PTPRQ: variants seen among roughly 807,000 people sequenced by gnomAD.
The protein encoded by PTPRQ is protein tyrosine phosphatase receptor type Q, also known as phosphatidylinositol phosphatase PTPRQ.
Under a neutral mutation model 246.0 loss-of-function variants are expected in PTPRQ, and 199 were observed. The observed-to-expected ratio is 0.81, with a 90% confidence interval of 0.72 to 0.91. The LOEUF (loss-of-function observed/expected upper bound fraction) is 0.91, where lower values mean the gene tolerates loss of function less well. PTPRQ is among the 40% of genes least tolerant of loss of function. The pLI, the probability that PTPRQ is intolerant of heterozygous loss-of-function variation, is 0.00. For synonymous variants in PTPRQ, 869 were observed against 853.2 expected, an observed-to-expected ratio of 1.02 and a Z score of -0.32; for missense variants, 2,624 against 2,528.4, an observed-to-expected ratio of 1.04 and a Z score of -0.81.
At chr12:80,668,234 A>T (rs904474797) in intron 39 of PTPRQ, among the ~76,000 whole-genome samples, 1 of 151,938 alleles carries the variant, frequency 6.6e-6, no homozygotes, top group African/African-American at 2.4e-5. Context: ...ACAATTATAT[A>T]AACTCAAGTG....
chr12:80,669,522 T>A lies in PTPRQ; in HGVS notation c.6453+58T>A, dbSNP rs1008851263. 4 of 1,495,978 alleles carry A rather than the reference T, an allele frequency of 2.7e-6. No homozygotes were observed. In the Admixed American group the frequency reaches 7.6e-5, roughly 28 times the overall value. The allele number at this position is 1,495,978 out of a possible 1,614,324, so 92.7% of individuals were successfully genotyped here. A position where few individuals can be genotyped will look rare whatever the true frequency, so the allele number is the denominator to read the frequency against. On this transcript the variant is annotated intron_variant, in intron 41 of 44. Transcript: ENST00000644991. Reference sequence around the variant, plus strand: ...ATATAAAATATGATTGATCTAAATGTCTAAAATAAAATTAATTTCTAGAAC... The same window carrying A: ...ATATAAAATATGATTGATCTAAATGACTAAAATAAAATTAATTTCTAGAAC...
chr12:80,616,185 ATTTG>A lies in PTPRQ; in HGVS notation c.5164-7_5164-4del, dbSNP rs1408500295. On this transcript the variant is annotated splice_polypyrimidine_tract_variant and intron_variant, in intron 29 of 44. Transcript: ENST00000644991. ...CAATCACTTGAAAATAGTAACAAAT[ATTTG>A]TTTGTTTTAGGTTTACGCAGTCAAT... 3.4e-6 allele frequency: 5 copies of A among 1,453,752 alleles called. No homozygotes were observed. Among genetic ancestry groups the A allele is most frequent in the Admixed American group, 5.0e-5 (2 of 40,342 alleles). The allele number at this position is 1,453,752 out of a possible 1,614,324, so 90.1% of individuals were successfully genotyped here.
In PTPRQ at chr12:80,670,510, A is replaced by AATGGCC; in HGVS notation, c.6602+19_6602+24dup. ...CACTGCAGGTGAGAAAGTGATCAGA[A>AATGGCC]ATGGCCTTTGAACCCATTGGTCTTT... On this transcript the variant is annotated intron_variant, in intron 42 of 44. Coordinates refer to ENST00000644991, the MANE Select transcript of PTPRQ (RefSeq NM_001145026.2). The AATGGCC allele has an allele frequency of 6.6e-7, 1 of 1,519,058 alleles. No individual in the cohort carries two copies. Among genetic ancestry groups the AATGGCC allele is most frequent in the Non-Finnish European group, 8.8e-7 (1 of 1,131,172 alleles). 94.1% of individuals were successfully genotyped at this position (1,519,058 alleles called of 1,614,324 possible). A position where few individuals can be genotyped will look rare whatever the true frequency, so the allele number is the denominator to read the frequency against.
intron 25 of PTPRQ, among the ~76,000 whole-genome samples, chr12:80,569,630 C>G (rs1897086710): frequency 6.6e-6 from 1 of 151,204 alleles, no homozygotes; most frequent in African/African-American, 2.4e-5. Flanking sequence ...GATACATGCA[C>G]AGAACATGCA....
intron 17 of PTPRQ, among the ~76,000 whole-genome samples, chr12:80,527,430 A>G (rs1895719564): frequency 6.6e-6 from 1 of 152,122 alleles, no homozygotes; most frequent in Admixed American, 6.6e-5. Flanking sequence ...ATTAAATATT[A>G]TGCTTTGCTC....
At chr12:80,575,119 TG>T (rs1457295469) in intron 25 of PTPRQ, among the ~76,000 whole-genome samples, 4 of 152,244 alleles carry the variant, frequency 2.6e-5, no homozygotes, top group African/African-American at 9.6e-5. Context: ...GCAAAATTTT[TG>T]CCCAAAATAT....
intron 8 of PTPRQ, among the ~76,000 whole-genome samples, chr12:80,481,845 A>G (rs1894072768): frequency 6.6e-6 from 1 of 152,044 alleles, no homozygotes; most frequent in Non-Finnish European, 1.5e-5. Flanking sequence ...TTCAAGGAGA[A>G]CTACAAACCG....
At chr12:80,610,860 G>T (rs1016622247) in intron 28 of PTPRQ, among the ~76,000 whole-genome samples, 2 of 150,458 alleles carry the variant, frequency 1.3e-5, no homozygotes. Context: ...ACAATTAAAG[G>T]TATCCGCTGT....
Position 80,619,508 on chromosome 12 carries a change from A to T in PTPRQ, c.5355A>T (p.Ile1785=). 1 of 1,539,760 alleles carries T rather than the reference A, an allele frequency of 6.5e-7. No homozygotes were observed. The highest frequency in any genetic ancestry group is 8.8e-7 in the Non-Finnish European group (1 of 1,140,274). Residue 1785 remains isoleucine, a synonymous_variant, in exon 31 of 45, where the codon ATA becomes ATT. Transcript: ENST00000644991. The stretch of plus-strand genomic sequence containing the variant: ...ACTACAGTGATGATCATGGACCAAT[A>T]AAAAATGTACAAGTGCTTGTGACAG... ...ICYYSDDHGP[I]KNVQVLVTET... is the part of the protein sequence containing the mutation.
At chr12:80,517,436 G>GT (rs1261717597) in intron 17 of PTPRQ, among the ~76,000 whole-genome samples, 1 of 151,990 alleles carries the variant, frequency 6.6e-6, no homozygotes, top group Non-Finnish European at 1.5e-5. Context: ...ATACAAGCGT[G>GT]TAACAAGTAA....
At chr12:80,606,021 T>G (rs900899384) in intron 27 of PTPRQ, among the ~76,000 whole-genome samples, 1 of 150,974 alleles carries the variant, frequency 6.6e-6, no homozygotes, top group South Asian at 2.1e-4. Context: ...TCTAAACCTA[T>G]AGAATTTGGT....
intron 27 of PTPRQ, among the ~76,000 whole-genome samples, chr12:80,606,950 A>G: frequency 6.6e-6 from 1 of 151,128 alleles, no homozygotes; most frequent in South Asian, 2.1e-4. Flanking sequence ...TCTCCCTTGG[A>G]AATTCTGCTT....
Position 80,605,163 on chromosome 12 carries a change from C to G in PTPRQ, c.4714C>G (p.Leu1572Val). 2 of 1,541,656 alleles carry G rather than the reference C, an allele frequency of 1.3e-6. No individual in the cohort carries two copies. The highest frequency in any genetic ancestry group is 2.4e-5 in the South Asian group (2 of 82,642). Residue 1572 changes from leucine (L) to valine (V), a missense_variant, in exon 27 of 45, where the codon CTG becomes GTG. By Grantham distance (32) the Leu-to-Val change is conservative (BLOSUM62 1). Transcript: ENST00000644991. ...TGTCATTACTGGACCAACATGTTAT[C>G]TGATTGATGTCAAATCGGTAAGGCA... The part of the protein sequence containing the change: ...PAVITGPTCY[L>V]IDVKSVDNDE...
chr12:80,472,354 T>A (rs957575225), intron 8 of PTPRQ, 103 bp downstream of exon 8: 1 of 1,432,152 alleles, frequency 7.0e-7, no homozygotes, highest in African/African-American at 1.4e-5. Context: ...TTTACTTAAA[T>A]CATGTTATTT....
intron 6 of PTPRQ, among the ~76,000 whole-genome samples, chr12:80,468,225 A>G (rs1893503374): frequency 6.6e-6 from 1 of 152,160 alleles, no homozygotes; most frequent in Admixed American, 6.6e-5. Context: ...TTGTTCTTAG[A>G]ATAAATACAA....
At chr12:80,501,565 G>C (rs1894800063) in intron 14 of PTPRQ, among the ~76,000 whole-genome samples, 1 of 151,874 alleles carries the variant, frequency 6.6e-6, no homozygotes, top group African/African-American at 2.4e-5. Flanking sequence ...CCACATCTTT[G>C]GTATTCAATC....
intron 39 of PTPRQ, among the ~76,000 whole-genome samples, chr12:80,658,771 C>A (rs1900532007): frequency 6.6e-6 from 1 of 151,974 alleles, no homozygotes; most frequent in African/African-American, 2.4e-5. Flanking sequence ...GCAAGCTTAA[C>A]CATCTTCATT....
intron 14 of PTPRQ, among the ~76,000 whole-genome samples, chr12:80,500,356 C>T (rs557135459): frequency 4.6e-5 from 7 of 152,096 alleles, no homozygotes; most frequent in South Asian, 4.1e-4. Context: ...TCTTCAAAAT[C>T]AGTAAGTCAT....
At position 80,445,613 on chromosome 12, in the gene PTPRQ, G is replaced by A. The variant is rs148527546; in HGVS notation, c.286G>A (p.Val96Ile). ...ATCTTACATTGTCAAATATAAGGAA[G>A]TTTGTCCGTGGATGCAAACAGTATA... ...IISYIVKYKE[V>I]CPWMQTVYTQ... Residue 96 changes from valine (V) to isoleucine (I), a missense_variant, in exon 3 of 45, where the codon GTT becomes ATT. Physicochemically the swap from Val to Ile is conservative, Grantham distance 29 (BLOSUM62 3). Coordinates refer to ENST00000644991, the MANE Select transcript of PTPRQ (RefSeq NM_001145026.2). The A allele has an allele frequency of 4.9e-4, 767 of 1,549,990 alleles. 2 individuals are homozygous for A. The African/African-American group carries it at 9.6e-3, about 19-fold the overall frequency.
Sources: gnomAD v4.1 joint callset for allele counts (sites outside exome capture counted in the v4.1 genomes callset) on GRCh38, gnomAD v4.1.1 for gene constraint, MANE v1.5 for transcripts, NCBI Gene and HGNC (gene_info 2026-07-23, HGNC 2026-07-21) for gene names.